TAFA5: variants seen among roughly 807,000 people sequenced by gnomAD.
TAFA5 encodes TAFA chemokine like family member 5, also known as chemokine-like protein TAFA-5.
Under a neutral mutation model 15.3 loss-of-function variants are expected in TAFA5, and 6 were observed. That is an observed-to-expected ratio of 0.39 (90% CI 0.21 to 0.77). The LOEUF is 0.77. Ranked by LOEUF, TAFA5 falls within the 30% of genes least tolerant of loss-of-function variation. TAFA5 has a pLI of 0.41. For synonymous variants in TAFA5, 103 were observed against 80.7 expected, an observed-to-expected ratio of 1.28 and a Z score of -1.48; for missense variants, 161 against 193.1, an observed-to-expected ratio of 0.83 and a Z score of 0.98.
intron 2 of TAFA5, among the ~76,000 whole-genome samples, chr22:48,688,253 T>C (rs887799562): frequency 4.6e-5 from 7 of 152,232 alleles, no homozygotes; most frequent in African/African-American, 1.7e-4. Flanking sequence ...GAGAGCCATC[T>C]TGAAAATTAA....
At chr22:48,622,406 G>A (rs1925871993) in intron 1 of TAFA5, among the ~76,000 whole-genome samples, 1 of 152,216 alleles carries the variant, frequency 6.6e-6, no homozygotes, top group South Asian at 2.1e-4. Context: ...CAGCAAGGCA[G>A]GCTCCATTCC....
chr22:48,500,651 C>T (rs1181133180), intron 1 of TAFA5, among the ~76,000 whole-genome samples: 1 of 152,250 alleles, frequency 6.6e-6, no homozygotes, highest in Non-Finnish European at 1.5e-5. Flanking sequence ...CTTAGCAGGC[C>T]TGACTTGCGC....
intron 1 of TAFA5, among the ~76,000 whole-genome samples, chr22:48,557,960 A>T: frequency 6.6e-6 from 1 of 152,184 alleles, no homozygotes. Flanking sequence ...CCCATGAGAC[A>T]AGTTGGTGGA....
At chr22:48,641,641 A>C (rs1183121411) in intron 1 of TAFA5, among the ~76,000 whole-genome samples, 3 of 99,892 alleles carry the variant, frequency 3.0e-5, no homozygotes, top group African/African-American at 7.7e-5. Flanking sequence ...CCCCCCGCAC[A>C]CCCTCCCCTC....
intron 1 of TAFA5, among the ~76,000 whole-genome samples, chr22:48,571,875 T>C (rs1923605450): frequency 6.6e-6 from 1 of 152,088 alleles, no homozygotes; most frequent in South Asian, 2.1e-4. Flanking sequence ...TATAAACATA[T>C]TTGATTTTAC....
At chr22:48,583,392 C>CCA (rs1924171673) in intron 1 of TAFA5, among the ~76,000 whole-genome samples, 1 of 149,712 alleles carries the variant, frequency 6.7e-6, no homozygotes, top group Non-Finnish European at 1.5e-5. Context: ...ACAAAATACA[C>CCA]CACACACCAC....
chr22:48,565,179 G>A (rs1469830638), intron 1 of TAFA5, among the ~76,000 whole-genome samples: 4 of 152,236 alleles, frequency 2.6e-5, no homozygotes, highest in South Asian at 2.1e-4. Context: ...CCGGCTTGAG[G>A]CAGGCCCAGG....
Position 48,489,820 on chromosome 22 carries a change from G to A in TAFA5, c.112+116G>A. The A allele has an allele frequency of 1.8e-6, 1 of 542,404 alleles. No individual in the cohort carries two copies. The highest frequency in any genetic ancestry group is 2.9e-6 in the Non-Finnish European group (1 of 344,536). 33.6% of individuals were successfully genotyped at this position (542,404 alleles called of 1,614,324 possible). A position where few individuals can be genotyped will look rare whatever the true frequency, so the allele number is the denominator to read the frequency against. On this transcript the variant is annotated intron_variant, in intron 1 of 3. Transcript: ENST00000402357. This position sits in a 1 kb window ranked among gnomAD's most constrained non-coding sequence, Gnocchi z 5.5. ...AGTCGGCGCGGAGTTACGAGCGCCGGGCGCATGGTCCCCCGAGTCCCGGCC... is the reference window on the plus strand; with the variant it reads ...AGTCGGCGCGGAGTTACGAGCGCCGAGCGCATGGTCCCCCGAGTCCCGGCC...
chr22:48,663,857 TC>T (rs1156661272), intron 2 of TAFA5, among the ~76,000 whole-genome samples: 3 of 152,204 alleles, frequency 2.0e-5, no homozygotes, highest in Admixed American at 2.0e-4. Context: ...CCCTTATTTT[TC>T]TTAATAATGG....
rs115958025 is a variant in TAFA5 at position 48,538,110 on chromosome 22, T to C, written c.112+48406T>C. On this transcript the variant is annotated intron_variant, in intron 1 of 3. Coordinates refer to ENST00000402357, the MANE Select transcript of TAFA5 (RefSeq NM_001082967.3). ...TATATTGCCAGGAAGCTAAGGATGG[T>C]TTTAATCATCTTAAAGGGTTATAAC... Among the ~76,000 whole-genome samples the C allele has an allele frequency of 5.2e-3, 796 of 151,834 alleles. 10 individuals are homozygous for C. The highest frequency in any genetic ancestry group is 0.018 in the African/African-American group (741 of 41,380).
chr22:48,541,273 G>A (rs1922363255), intron 1 of TAFA5, among the ~76,000 whole-genome samples: 1 of 152,050 alleles, frequency 6.6e-6, no homozygotes, highest in African/African-American at 2.4e-5. Flanking sequence ...TATACCCCCT[G>A]GGACCTTTGT....
intron 3 of TAFA5, among the ~76,000 whole-genome samples, chr22:48,744,623 G>T (rs1342321025): frequency 6.6e-6 from 1 of 152,212 alleles, no homozygotes; most frequent in Non-Finnish European, 1.5e-5. Context: ...TTAGAGAGCG[G>T]TGCTAAACCT....
At chr22:48,726,292 G>A (rs1263826720) in intron 3 of TAFA5, among the ~76,000 whole-genome samples, 2 of 152,226 alleles carry the variant, frequency 1.3e-5, no homozygotes, top group East Asian at 1.9e-4. Flanking sequence ...TCTTCAGTGC[G>A]GATGGCATCA....
intron 1 of TAFA5, among the ~76,000 whole-genome samples, chr22:48,621,289 T>A (rs1268596341): frequency 6.9e-6 from 1 of 144,368 alleles, no homozygotes; most frequent in East Asian, 2.2e-4. Context: ...CAGCCATCCA[T>A]CCATTTATCC....
chr22:48,576,042 C>A (rs866931539), intron 1 of TAFA5, among the ~76,000 whole-genome samples: 1 of 87,620 alleles, frequency 1.1e-5, no homozygotes, highest in Non-Finnish European at 2.6e-5. Context: ...GCGCCGGACC[C>A]CCCCCCCCCC....
chr22:48,703,697 C>T (rs1928988242), intron 2 of TAFA5, among the ~76,000 whole-genome samples: 1 of 152,258 alleles, frequency 6.6e-6, no homozygotes. Context: ...TCGTGGTGGG[C>T]ATGAGGTCCC....
At chr22:48,493,442 G>A (rs568907392) in intron 1 of TAFA5, among the ~76,000 whole-genome samples, 2 of 152,350 alleles carry the variant, frequency 1.3e-5, no homozygotes, top group East Asian at 3.9e-4. Context: ...GCACTGTAGT[G>A]TTGCATTTCC....
At chr22:48,534,020 A>G (rs948333333) in intron 1 of TAFA5, among the ~76,000 whole-genome samples, 3 of 152,132 alleles carry the variant, frequency 2.0e-5, no homozygotes, top group African/African-American at 7.2e-5. Flanking sequence ...GGCTGATGAC[A>G]TGGAGAAGGA....
chr22:48,667,090 T>G (rs1426251165), intron 2 of TAFA5, among the ~76,000 whole-genome samples: 1 of 151,222 alleles, frequency 6.6e-6, no homozygotes, highest in Non-Finnish European at 1.5e-5. Context: ...CTTGGAGAGG[T>G]AGCACCCCGA....
Sources: allele counts gnomAD v4.1 joint callset (sites outside exome capture counted in the v4.1 genomes callset), GRCh38; gene constraint gnomAD v4.1.1; non-coding constraint Gnocchi (gnomAD v3.1); transcripts MANE v1.5; gene names NCBI Gene and HGNC (gene_info 2026-07-23, HGNC 2026-07-21).